The following TENM3 variants were observed in gnomAD, a reference collection of about 807,000 sequenced individuals.
TENM3 encodes teneurin-3.
Under a neutral mutation model 255.1 loss-of-function variants are expected in TENM3, and 63 were observed. The ratio of observed to expected loss-of-function variants is 0.25; its 90% CI spans 0.20 to 0.30. The LOEUF is 0.30. Among genes scored for constraint, TENM3 ranks in the 10% least tolerant of loss-of-function variants. The pLI is 1.00. For missense variants in TENM3, 2,929 were observed against 3,461.1 expected, an observed-to-expected ratio of 0.85 and a Z score of 3.86; for synonymous variants, 1,306 against 1,322.3, an observed-to-expected ratio of 0.99 and a Z score of 0.27.
At chr4:182,773,862 T>G (rs1561233562) in intron 23 of TENM3, 2 of 402,764 alleles carry the variant, frequency 5.0e-6, no homozygotes, top group African/African-American at 2.0e-5. Context: ...CTTGGAATAG[T>G]GTCTGTTTCC....
At chr4:182,626,869 C>G (rs894640938) in intron 4 of TENM3, among the ~76,000 whole-genome samples, 5 of 152,072 alleles carry the variant, frequency 3.3e-5, no homozygotes, top group African/African-American at 1.2e-4. Flanking sequence ...TCTCTAAAAG[C>G]TCTAGTTTTG....
the TENM3 span, among the ~76,000 whole-genome samples, chr4:181,993,078 G>A: frequency 6.6e-6 from 1 of 152,036 alleles, no homozygotes; most frequent in Non-Finnish European, 1.5e-5. Context: ...TGCCTGTAAG[G>A]ACTTTTGTAC....
At chr4:181,494,924 T>C in the TENM3 span, among the ~76,000 whole-genome samples, 3 of 152,236 alleles carry the variant, frequency 2.0e-5, no homozygotes, top group East Asian at 5.8e-4. Flanking sequence ...TCTTTCCAAA[T>C]TATTCCCCAA....
chr4:182,384,311 G>GTTTTTT (rs10638816), intron 3 of TENM3, among the ~76,000 whole-genome samples: 5 of 147,860 alleles, frequency 3.4e-5, no homozygotes, highest in Non-Finnish European at 1.5e-5. Context: ...CTGTGGTTCA[G>GTTTTTT]TTTTTTTTTT....
At chr4:182,045,939 T>C in the TENM3 span, among the ~76,000 whole-genome samples, 1 of 152,110 alleles carries the variant, frequency 6.6e-6, no homozygotes, top group African/African-American at 2.4e-5. Context: ...TCCCAGCTGC[T>C]TGGGAGGCCA....
the TENM3 span, among the ~76,000 whole-genome samples, chr4:181,980,726 T>A: frequency 6.6e-6 from 1 of 152,188 alleles, no homozygotes; most frequent in East Asian, 1.9e-4. Flanking sequence ...CATTTAACAA[T>A]AACTAGAATA....
At chr4:181,807,319 G>A in the TENM3 span, among the ~76,000 whole-genome samples, 6 of 152,112 alleles carry the variant, frequency 3.9e-5, no homozygotes, top group South Asian at 8.3e-4. Context: ...TAAATGTAAC[G>A]ATTACTTACC....
chr4:182,470,283 T>C (rs1322621210), intron 3 of TENM3, among the ~76,000 whole-genome samples: 1 of 152,208 alleles, frequency 6.6e-6, no homozygotes, highest in Non-Finnish European at 1.5e-5. Flanking sequence ...TGTAAACCTG[T>C]ATTTTAGAAG....
At chr4:181,748,691 A>G in the TENM3 span, among the ~76,000 whole-genome samples, 79,470 of 151,880 alleles carry the variant, frequency 0.52, 20,921 homozygotes, top group Admixed American at 0.62. Flanking sequence ...AATATGTTCG[A>G]TTGGATAATC....
chr4:182,718,375 C>T (rs538834817), intron 13 of TENM3, among the ~76,000 whole-genome samples: 210 of 152,248 alleles, frequency 1.4e-3, no homozygotes, highest in African/African-American at 4.8e-3. Context: ...CTAATAACTC[C>T]ACCACAAAGA....
At chr4:181,766,974 C>T in the TENM3 span, among the ~76,000 whole-genome samples, 2 of 151,652 alleles carry the variant, frequency 1.3e-5, no homozygotes, top group East Asian at 3.9e-4. Context: ...AACCAGAGGC[C>T]GGGCGCAGTG....
the TENM3 span, among the ~76,000 whole-genome samples, chr4:181,812,292 G>C: frequency 6.6e-6 from 1 of 152,254 alleles, no homozygotes; most frequent in East Asian, 1.9e-4. Flanking sequence ...TAATACCTTA[G>C]AGCATTTGTT....
chr4:181,480,009 T>C, the TENM3 span, among the ~76,000 whole-genome samples: 1 of 152,166 alleles, frequency 6.6e-6, no homozygotes, highest in East Asian at 1.9e-4. Flanking sequence ...ATGTTAATTT[T>C]ATTTGTATGA....
At chr4:182,161,006 C>A (rs931532265) in intron 1 of TENM3, among the ~76,000 whole-genome samples, 1 of 152,048 alleles carries the variant, frequency 6.6e-6, no homozygotes, top group Non-Finnish European at 1.5e-5. Context: ...GCAGGCCAGG[C>A]GTGGTGGCTC....
chr4:181,767,035 G>A, the TENM3 span, among the ~76,000 whole-genome samples: 68 of 145,944 alleles, frequency 4.7e-4, no homozygotes, highest in Admixed American at 1.4e-3. Context: ...GGCGGATCAC[G>A]AGGTCAGGAG....
rs1345445400 is a variant in TENM3, at chr4:182,527,804, T to C, written c.512-73120T>C. Among the ~76,000 whole-genome samples, 4 of 152,152 alleles carry C rather than the reference T, an allele frequency of 2.6e-5. No homozygotes were observed. In the East Asian group the frequency reaches 7.8e-4, roughly 30 times the overall value. On this transcript the variant is annotated intron_variant, in intron 3 of 27. Coordinates refer to ENST00000511685, the MANE Select transcript of TENM3 (RefSeq NM_001080477.4). ...GTACAGCGGCACAATCTCGGCTCACTGCAACCTCTGCCTCCGGGGTTCAAG... is the reference window on the plus strand; with the variant it reads ...GTACAGCGGCACAATCTCGGCTCACCGCAACCTCTGCCTCCGGGGTTCAAG...
intron 1 of TENM3, among the ~76,000 whole-genome samples, chr4:182,201,533 T>C (rs1754186247): frequency 6.6e-6 from 1 of 151,920 alleles, no homozygotes; most frequent in Non-Finnish European, 1.5e-5. Flanking sequence ...CAACCAGAGA[T>C]GCTCATTCAA....
At chr4:182,269,581 G>T (rs1023113822) in intron 1 of TENM3, among the ~76,000 whole-genome samples, 1 of 151,892 alleles carries the variant, frequency 6.6e-6, no homozygotes, top group Non-Finnish European at 1.5e-5. Flanking sequence ...ACAAACTCTG[G>T]CTGCCTCCCT....
chr4:181,521,244 T>G, the TENM3 span, among the ~76,000 whole-genome samples: 1 of 152,266 alleles, frequency 6.6e-6, no homozygotes, highest in African/African-American at 2.4e-5. Flanking sequence ...TCAGGTGGAT[T>G]GCATCCTGGA....
Sources: allele counts gnomAD v4.1 joint callset (sites outside exome capture counted in the v4.1 genomes callset), GRCh38; gene constraint gnomAD v4.1.1; transcripts MANE v1.5; gene names NCBI Gene and HGNC (gene_info 2026-07-23, HGNC 2026-07-21).